Variants in SPATA17 observed in about 807,000 individuals in gnomAD.
SPATA17 encodes the protein spermatogenesis associated 17.
A neutral mutation model predicts 62.2 loss-of-function variants in SPATA17; 53 were observed. The ratio of observed to expected loss-of-function variants is 0.85; its 90% CI spans 0.68 to 1.07. SPATA17 has a LOEUF of 1.07. Among genes scored for constraint, SPATA17 ranks in the 50% least tolerant of loss-of-function variants. The pLI, the probability that SPATA17 is intolerant of heterozygous loss-of-function variation, is 0.00. For synonymous variants in SPATA17, 146 were observed against 146.8 expected (o/e 0.99, Z 0.04); for missense variants, 466 against 425.5 (o/e 1.10, Z -0.84).
intron 8 of SPATA17, among the ~76,000 whole-genome samples, chr1:217,795,443 C>G (rs140254367): frequency 7.2e-6 from 1 of 138,054 alleles, no homozygotes; most frequent in Non-Finnish European, 1.5e-5. Context: ...GATCTCGGCT[C>G]GCTGCAAACT....
chr1:217,651,014 AT>A lies in SPATA17; in HGVS notation c.159-81del, dbSNP rs1475376425. On this transcript the variant is annotated intron_variant, in intron 2 of 10. Transcript: ENST00000366933. ...CTTGGCTTTGAATTTGAATTCTTGAATTGTAGGAGAGTATTTTAACAAAGAT... is the reference window on the plus strand; with the variant it reads ...CTTGGCTTTGAATTTGAATTCTTGAATGTAGGAGAGTATTTTAACAAAGAT... The A allele has an allele frequency of 1.5e-4, 150 of 1,019,138 alleles. 1 individual carries two copies. The highest frequency in any genetic ancestry group is 1.5e-5 in the Non-Finnish European group (10 of 676,686). The allele number at this position is 1,019,138 out of a possible 1,614,324, so 63.1% of individuals were successfully genotyped here.
At chr1:217,828,105 A>AAGAAACC (rs1323905969) in intron 9 of SPATA17, among the ~76,000 whole-genome samples, 1 of 152,186 alleles carries the variant, frequency 6.6e-6, no homozygotes, top group African/African-American at 2.4e-5. Context: ...GGAACCACAA[A>AAGAAACC]AGAAACCTGA....
intron 9 of SPATA17, among the ~76,000 whole-genome samples, chr1:217,809,416 C>T (rs758204612): frequency 6.6e-6 from 1 of 152,124 alleles, no homozygotes; most frequent in Non-Finnish European, 1.5e-5. Flanking sequence ...AGACAAGAAG[C>T]TTATTTAGCT....
chr1:217,814,366 G>A (rs1036984395), intron 9 of SPATA17, among the ~76,000 whole-genome samples: 1 of 152,112 alleles, frequency 6.6e-6, no homozygotes, highest in Non-Finnish European at 1.5e-5. Flanking sequence ...CATTTCCGTC[G>A]GAGGTCTGTA....
chr1:217,646,514 C>A (rs968051361), intron 1 of SPATA17, among the ~76,000 whole-genome samples: 1 of 151,724 alleles, frequency 6.6e-6, no homozygotes, highest in African/African-American at 2.4e-5. Context: ...ATTTTTTTTG[C>A]GTTTTCCTTT....
intron 1 of SPATA17, among the ~76,000 whole-genome samples, chr1:217,646,542 CCTTT>C (rs1483307625): frequency 5.9e-5 from 9 of 151,806 alleles, no homozygotes; most frequent in Admixed American, 5.9e-4. Context: ...TTTTACTTTC[CCTTT>C]CTTCTGCTCT....
At chr1:217,851,857 C>T (rs1675674127) in intron 9 of SPATA17, among the ~76,000 whole-genome samples, 1 of 152,148 alleles carries the variant, frequency 6.6e-6, no homozygotes, top group Non-Finnish European at 1.5e-5. Flanking sequence ...ATCATTTGCA[C>T]ATTTAAAGAC....
At chr1:217,813,545 G>A (rs1674644549) in intron 9 of SPATA17, among the ~76,000 whole-genome samples, 1 of 152,122 alleles carries the variant, frequency 6.6e-6, no homozygotes, top group Non-Finnish European at 1.5e-5. Flanking sequence ...TTTGTTTTGT[G>A]TTGTTTCATT....
At chr1:217,701,504 A>G (rs888396574) in intron 5 of SPATA17, among the ~76,000 whole-genome samples, 7 of 151,464 alleles carry the variant, frequency 4.6e-5, no homozygotes, top group East Asian at 3.9e-4. Context: ...TCCTGCCTCA[A>G]TCTCCCAAGT....
At chr1:217,663,456 A>C (rs1305808243) in intron 3 of SPATA17, among the ~76,000 whole-genome samples, 1 of 152,140 alleles carries the variant, frequency 6.6e-6, no homozygotes, top group Non-Finnish European at 1.5e-5. Flanking sequence ...AAAAAAAAAA[A>C]AAAGAACAGT....
chr1:217,690,459 T>G (rs527654813), intron 5 of SPATA17, among the ~76,000 whole-genome samples: 2 of 117,438 alleles, frequency 1.7e-5, no homozygotes, highest in Non-Finnish European at 3.4e-5. Context: ...TATTTTTATT[T>G]TATTTTATTT....
chr1:217,710,872 T>C (rs899976291), intron 5 of SPATA17, among the ~76,000 whole-genome samples: 3 of 152,186 alleles, frequency 2.0e-5, no homozygotes, highest in Non-Finnish European at 4.4e-5. Context: ...ACTAGTCTAC[T>C]TTCTGGCTCT....
intron 8 of SPATA17, among the ~76,000 whole-genome samples, chr1:217,785,433 T>G (rs542799059): frequency 6.6e-6 from 1 of 152,180 alleles, no homozygotes; most frequent in African/African-American, 2.4e-5. Context: ...CAAGCACATC[T>G]TCACATCGTG....
At chr1:217,684,298 C>A (rs547430723) in intron 5 of SPATA17, among the ~76,000 whole-genome samples, 2 of 151,952 alleles carry the variant, frequency 1.3e-5, no homozygotes, top group African/African-American at 2.4e-5. Flanking sequence ...ATATAAATGA[C>A]CATATGCATA....
intron 9 of SPATA17, chr1:217,850,440 C>T: frequency 7.4e-7 from 1 of 1,349,022 alleles, no homozygotes; most frequent in Non-Finnish European, 1.1e-6. Context: ...GGTACAGGGT[C>T]AACTCTTTCT....
At chr1:217,633,716 T>C (rs1669873290) in intron 1 of SPATA17, among the ~76,000 whole-genome samples, 1 of 152,220 alleles carries the variant, frequency 6.6e-6, no homozygotes, top group Non-Finnish European at 1.5e-5. Flanking sequence ...AACAGAGTTG[T>C]GGGAAACAAT....
intron 5 of SPATA17, among the ~76,000 whole-genome samples, chr1:217,736,194 T>C (rs1238345106): frequency 6.6e-6 from 1 of 152,144 alleles, no homozygotes; most frequent in Non-Finnish European, 1.5e-5. Context: ...ATCATTACCT[T>C]TCATTTGGGC....
Position 217,868,293 on chromosome 1 carries a change from A to T in SPATA17, c.*1274A>T, listed in dbSNP as rs1441488142. ...CAGATGCAGTGATATGTTGGCTGGGATTTAATTTGAAAGTCAAAGAAGTGA... is the reference window on the plus strand; with the variant it reads ...CAGATGCAGTGATATGTTGGCTGGGTTTTAATTTGAAAGTCAAAGAAGTGA... On this transcript the variant is annotated 3_prime_UTR_variant, in exon 11 of 11. Coordinates refer to ENST00000366933, the MANE Select transcript of SPATA17 (RefSeq NM_138796.4). The T allele has an allele frequency of 2.6e-5, 4 of 152,158 alleles. No individual in the cohort carries two copies. In the South Asian group the frequency reaches 6.2e-4, roughly 24 times the overall value. 9.4% of individuals were successfully genotyped at this position (152,158 alleles called of 1,614,324 possible).
At chr1:217,689,221 CTTTTTTTTTTT>C (rs200885875) in intron 5 of SPATA17, among the ~76,000 whole-genome samples, 1 of 102,592 alleles carries the variant, frequency 9.7e-6, no homozygotes. Flanking sequence ...TTTATTATGT[CTTTTTTTTTTT>C]TTTTTTTTTT....
Sources: gnomAD v4.1 joint callset for allele counts (sites outside exome capture counted in the v4.1 genomes callset) on GRCh38, gnomAD v4.1.1 for gene constraint, MANE v1.5 for transcripts, NCBI Gene and HGNC (gene_info 2026-07-23, HGNC 2026-07-21) for gene names.